ATP11A: variants seen among roughly 807,000 people sequenced by gnomAD.
The protein encoded by ATP11A is ATPase phospholipid transporting 11A, also known as phospholipid-transporting ATPase IH.
A neutral mutation model predicts 154.4 loss-of-function variants in ATP11A; 81 were observed. The ratio of observed to expected loss-of-function variants is 0.52; its 90% CI spans 0.44 to 0.63. ATP11A has a LOEUF of 0.63. ATP11A is among the 30% of genes least tolerant of loss of function. The pLI is 0.00. For synonymous variants in ATP11A, 623 were observed against 585.9 expected, an observed-to-expected ratio of 1.06 and a Z score of -0.91; for missense variants, 1,316 against 1,474.3, an observed-to-expected ratio of 0.89 and a Z score of 1.76.
intron 19 of ATP11A, among the ~76,000 whole-genome samples, chr13:112,855,056 A>T (rs2079882526): frequency 1.3e-5 from 2 of 152,250 alleles, no homozygotes; most frequent in Non-Finnish European, 2.9e-5. Context: ...TGTTATTTGA[A>T]TCATTTCAGT....
chr13:112,809,891 G>A (rs1336439450), intron 4 of ATP11A, among the ~76,000 whole-genome samples: 2 of 152,164 alleles, frequency 1.3e-5, no homozygotes, highest in Non-Finnish European at 2.9e-5. Flanking sequence ...AGTTGGAATC[G>A]GAGTGCACGT....
intron 2 of ATP11A, among the ~76,000 whole-genome samples, chr13:112,789,837 G>A (rs1481663768): frequency 6.8e-6 from 1 of 147,422 alleles, no homozygotes; most frequent in Non-Finnish European, 1.5e-5. Context: ...CTGACGTGTA[G>A]TAGACCCCTG....
intron 16 of ATP11A, 107 bp from the exon 17 acceptor site, chr13:112,842,169 C>A: frequency 1.2e-6 from 1 of 866,972 alleles, no homozygotes; most frequent in Non-Finnish European, 1.8e-6. Flanking sequence ...AAAAAGCTTT[C>A]CACACTGCTA....
intron 1 of ATP11A, among the ~76,000 whole-genome samples, chr13:112,770,145 A>G (rs1199875533): frequency 6.6e-6 from 1 of 152,174 alleles, no homozygotes; most frequent in Non-Finnish European, 1.5e-5. Flanking sequence ...GTTGTGAACT[A>G]TCAGAATTAG....
At chr13:112,835,916 C>T (rs774692602) in intron 15 of ATP11A, among the ~76,000 whole-genome samples, 6 of 152,366 alleles carry the variant, frequency 3.9e-5, no homozygotes, top group Non-Finnish European at 5.9e-5. Flanking sequence ...AGCCTATGCC[C>T]TGGGTAGGAT....
chr13:112,728,886 T>C (rs176082), intron 1 of ATP11A, among the ~76,000 whole-genome samples: 128,088 of 152,152 alleles, frequency 0.84, 54,051 homozygotes, highest in Middle Eastern at 0.97. Flanking sequence ...ACACAGTGGC[T>C]GCTGACCTCT....
intron 2 of ATP11A, among the ~76,000 whole-genome samples, chr13:112,799,700 A>G (rs1387364949): frequency 2.0e-5 from 3 of 152,354 alleles, no homozygotes; most frequent in South Asian, 2.1e-4. Flanking sequence ...AGGCCTCACA[A>G]TTTATAAAAT....
chr13:112,737,183 G>A (rs910336077), intron 1 of ATP11A, among the ~76,000 whole-genome samples: 1 of 152,212 alleles, frequency 6.6e-6, no homozygotes, highest in African/African-American at 2.4e-5. Flanking sequence ...ATTGATGTGA[G>A]GTTCAAAGCT....
At chr13:112,777,553 A>G (rs2077378340) in intron 1 of ATP11A, among the ~76,000 whole-genome samples, 1 of 152,236 alleles carries the variant, frequency 6.6e-6, no homozygotes, top group Non-Finnish European at 1.5e-5. Flanking sequence ...GACAAGAGCA[A>G]GACTTCGTCT....
Position 112,753,442 on chromosome 13 carries a change from C to T in ATP11A, c.40-31693C>T, listed in dbSNP as rs1399565734. Among the ~76,000 whole-genome samples the T allele has an allele frequency of 2.0e-5, 3 of 152,228 alleles. No individual in the cohort carries two copies. The highest frequency in any genetic ancestry group is 7.2e-5 in the African/African-American group (3 of 41,466). ...GAGGATGCCTGTTCTCCACCTACCT[C>T]GCCAGCAGCCTGCGCTGCCCGGCTT... On this transcript the variant is annotated intron_variant, in intron 1 of 29. Coordinates refer to ENST00000375645, the MANE Select transcript of ATP11A (RefSeq NM_015205.3). The surrounding 1 kb of genome is among the most constrained non-coding windows in gnomAD (Gnocchi z 4.1).
chr13:112,691,483 G>GTGTGT (rs111354648), intron 1 of ATP11A, among the ~76,000 whole-genome samples: 3,328 of 124,584 alleles, frequency 0.027, 81 homozygotes, highest in Non-Finnish European at 0.04. Context: ...AAAAAAAAAG[G>GTGTGT]GTGTGTGTGT....
At chr13:112,708,966 C>T (rs962658544) in intron 1 of ATP11A, among the ~76,000 whole-genome samples, 1 of 151,920 alleles carries the variant, frequency 6.6e-6, no homozygotes, top group African/African-American at 2.4e-5. Context: ...GGGGCAGGCA[C>T]ATGTTCCAGG....
chr13:112,809,968 T>G (rs1398686810), intron 4 of ATP11A, among the ~76,000 whole-genome samples: 1 of 152,140 alleles, frequency 6.6e-6, no homozygotes, highest in Non-Finnish European at 1.5e-5. Context: ...TCAGGCTGCT[T>G]TTCCAGCCCC....
chr13:112,723,219 G>A (rs573030951), intron 1 of ATP11A, among the ~76,000 whole-genome samples: 2 of 149,046 alleles, frequency 1.3e-5, no homozygotes, highest in East Asian at 4.1e-4. Flanking sequence ...TTGAGGTAAA[G>A]AGGTTGTGGA....
intron 1 of ATP11A, among the ~76,000 whole-genome samples, chr13:112,710,619 T>C (rs537214036): frequency 6.6e-6 from 1 of 152,218 alleles, no homozygotes; most frequent in African/African-American, 2.4e-5. Flanking sequence ...AGCTGCTGGG[T>C]TTTCCTGGGC....
Position 112,838,108 on chromosome 13 carries a change from A to G in ATP11A, c.1705+1857A>G, listed in dbSNP as rs184988532. The stretch of plus-strand genomic sequence containing the variant: ...GTGTGTGAATGTTGCCAGGACTCCC[A>G]CGAAGAGCTTTTGCCAGCCAGACCG... On this transcript the variant is annotated intron_variant, in intron 16 of 29. Transcript: ENST00000375645. This position sits in a 1 kb window ranked among gnomAD's most constrained non-coding sequence, Gnocchi z 7.3. Among the ~76,000 whole-genome samples, 538 of 152,268 alleles carry G rather than the reference A, an allele frequency of 3.5e-3. 15 individuals are homozygous for G. Among genetic ancestry groups the G allele is most frequent in the Non-Finnish European group, 5.0e-4 (34 of 68,018 alleles).
chr13:112,858,516 A>C, intron 22 of ATP11A: 2 of 455,046 alleles, frequency 4.4e-6, no homozygotes, highest in South Asian at 3.8e-5. Flanking sequence ...AAAAATATCA[A>C]ACGCAAAATT....
At chr13:112,867,924 C>G (rs2080390898) in intron 25 of ATP11A, among the ~76,000 whole-genome samples, 1 of 152,180 alleles carries the variant, frequency 6.6e-6, no homozygotes, top group Non-Finnish European at 1.5e-5. Flanking sequence ...ATTGATTGTT[C>G]TTGGGTGAGA....
intron 24 of ATP11A, among the ~76,000 whole-genome samples, chr13:112,862,005 G>A (rs1380833698): frequency 1.3e-5 from 2 of 152,084 alleles, no homozygotes; most frequent in African/African-American, 4.8e-5. Flanking sequence ...GGCGTAAGGT[G>A]TCACAGCAGG....
Sources: allele counts gnomAD v4.1 joint callset (sites outside exome capture counted in the v4.1 genomes callset), GRCh38; gene constraint gnomAD v4.1.1; non-coding constraint Gnocchi (gnomAD v3.1); transcripts MANE v1.5; gene names NCBI Gene and HGNC (gene_info 2026-07-23, HGNC 2026-07-21).